DOK6: variants seen among roughly 807,000 people sequenced by gnomAD.
The protein encoded by DOK6 is downstream of tyrosine kinase 6.
In DOK6, 22 loss-of-function variants were observed where a neutral mutation model predicts 44.0. That is an observed-to-expected ratio of 0.50 (90% CI 0.36 to 0.71). The LOEUF is 0.71. DOK6 is among the 30% of genes least tolerant of loss of function. The pLI, the probability that DOK6 is intolerant of heterozygous loss-of-function variation, is 0.00. For synonymous variants in DOK6, 166 were observed against 145.5 expected (o/e 1.14, Z -1.01); for missense variants, 340 against 416.4 (o/e 0.82, Z 1.60).
Position 69,739,082 on chromosome 18 carries a change from A to G in DOK6, c.717A>G (p.Leu239=), listed in dbSNP as rs1182606390. ...CTGAGCAACATGAAAGATTAATGCT[A>G]GAAATGGAACAGAAGGCCCGGGTAA... is the stretch of plus-strand genomic sequence containing the variant. ...AIAEQHERLM[L]EMEQKARLQT... Residue 239 remains leucine, a synonymous_variant, in exon 6 of 8, where the codon CTA becomes CTG. Coordinates refer to ENST00000382713, the MANE Select transcript of DOK6 (RefSeq NM_152721.6). 2 of 1,614,064 alleles carry G rather than the reference A, an allele frequency of 1.2e-6. No homozygotes were observed. Among genetic ancestry groups the G allele is most frequent in the African/African-American group, 2.7e-5 (2 of 75,056 alleles).
intron 4 of DOK6, among the ~76,000 whole-genome samples, chr18:69,685,123 A>G (rs1159250398): frequency 6.6e-6 from 1 of 152,204 alleles, no homozygotes; most frequent in Non-Finnish European, 1.5e-5. Flanking sequence ...CATTTGACAG[A>G]AAATTAACGC....
chr18:69,631,914 A>T (rs1442284987), intron 3 of DOK6, among the ~76,000 whole-genome samples: 1 of 152,194 alleles, frequency 6.6e-6, no homozygotes, highest in Admixed American at 6.5e-5. Flanking sequence ...CATAAGTCAC[A>T]TTGACTCTAT....
At chr18:69,703,916 A>G (rs554203273) in intron 5 of DOK6, among the ~76,000 whole-genome samples, 15 of 152,280 alleles carry the variant, frequency 9.9e-5, no homozygotes, top group African/African-American at 3.1e-4. Flanking sequence ...GATTGATAGG[A>G]TCGGTGGCTT....
At chr18:69,719,077 A>G (rs1445786702) in intron 5 of DOK6, among the ~76,000 whole-genome samples, 2 of 152,216 alleles carry the variant, frequency 1.3e-5, no homozygotes, top group African/African-American at 4.8e-5. Flanking sequence ...TGGCACAGAA[A>G]TGCCAATACA....
intron 1 of DOK6, among the ~76,000 whole-genome samples, chr18:69,495,608 A>G (rs1270205548): frequency 6.6e-6 from 1 of 152,150 alleles, no homozygotes; most frequent in Non-Finnish European, 1.5e-5. Flanking sequence ...AAAAGGCACC[A>G]CAAGTTCCCA....
At chr18:69,641,682 A>G (rs1334698790) in intron 3 of DOK6, among the ~76,000 whole-genome samples, 1 of 152,194 alleles carries the variant, frequency 6.6e-6, no homozygotes, top group Non-Finnish European at 1.5e-5. Flanking sequence ...CTGCCTCAAA[A>G]TTACTATTAT....
chr18:69,433,873 C>A (rs536846407), intron 1 of DOK6, among the ~76,000 whole-genome samples: 6 of 152,180 alleles, frequency 3.9e-5, no homozygotes, highest in African/African-American at 1.4e-4. Flanking sequence ...ACATACATTC[C>A]TATGTACTTT....
At chr18:69,544,279 A>T (rs1982344336) in intron 1 of DOK6, among the ~76,000 whole-genome samples, 1 of 151,436 alleles carries the variant, frequency 6.6e-6, no homozygotes, top group Non-Finnish European at 1.5e-5. Flanking sequence ...ACAAAACAAA[A>T]AAACTTGTCC....
intron 1 of DOK6, among the ~76,000 whole-genome samples, chr18:69,507,505 G>C (rs1981229522): frequency 6.6e-6 from 1 of 152,028 alleles, no homozygotes; most frequent in East Asian, 1.9e-4. Flanking sequence ...TACTGCTGCT[G>C]AGTCTTCTAA....
At chr18:69,556,881 C>G (rs1311739417) in intron 1 of DOK6, among the ~76,000 whole-genome samples, 1 of 152,206 alleles carries the variant, frequency 6.6e-6, no homozygotes, top group Non-Finnish European at 1.5e-5. Context: ...CTTTTTTACA[C>G]AAACCAAGTG....
intron 1 of DOK6, among the ~76,000 whole-genome samples, chr18:69,553,411 C>CA (rs1982613374): frequency 6.6e-6 from 1 of 152,172 alleles, no homozygotes; most frequent in Admixed American, 6.5e-5. Context: ...TCTGGTACAA[C>CA]ACAGTTTAGA....
At chr18:69,580,841 A>G (rs1024503874) in intron 2 of DOK6, among the ~76,000 whole-genome samples, 2 of 151,800 alleles carry the variant, frequency 1.3e-5, no homozygotes, top group African/African-American at 4.8e-5. Context: ...CATCCCCTCA[A>G]CCCTTCCCAG....
chr18:69,693,560 A>G (rs1986317016), intron 4 of DOK6, among the ~76,000 whole-genome samples: 1 of 152,142 alleles, frequency 6.6e-6, no homozygotes, highest in South Asian at 2.1e-4. Context: ...TCCATTAAAC[A>G]TAGTTTTCCA....
In DOK6 at chr18:69,845,022, T is replaced by C. The variant is rs1461221909; in HGVS notation, c.*3639T>C. ...AGTTTATTGCATGTCGTATCTTTAT[T>C]GTAGATATTAAAAACACATGATAAA... On this transcript the variant is annotated 3_prime_UTR_variant, in exon 8 of 8. Coordinates refer to ENST00000382713, the MANE Select transcript of DOK6 (RefSeq NM_152721.6). The C allele has an allele frequency of 6.6e-6, 1 of 152,176 alleles. No homozygotes were observed. The highest frequency in any genetic ancestry group is 2.4e-5 in the African/African-American group (1 of 41,438). 9.4% of individuals were successfully genotyped at this position (152,176 alleles called of 1,614,324 possible). A position where few individuals can be genotyped will look rare whatever the true frequency, so the allele number is the denominator to read the frequency against.
chr18:69,780,631 C>A (rs1980236016), intron 7 of DOK6, among the ~76,000 whole-genome samples: 1 of 152,132 alleles, frequency 6.6e-6, no homozygotes, highest in Non-Finnish European at 1.5e-5. Flanking sequence ...AAACATTGAA[C>A]ATTATGTTTC....
At chr18:69,656,528 T>C in intron 3 of DOK6, among the ~76,000 whole-genome samples, 1 of 152,316 alleles carries the variant, frequency 6.6e-6, no homozygotes, top group East Asian at 1.9e-4. Context: ...AGCACTTATA[T>C]CATAGGTTTG....
chr18:69,702,289 A>G (rs1205732071), intron 5 of DOK6, among the ~76,000 whole-genome samples: 1 of 152,132 alleles, frequency 6.6e-6, no homozygotes, highest in African/African-American at 2.4e-5. Flanking sequence ...TGTTGGTGCA[A>G]AGTTTATCTA....
chr18:69,784,568 T>A (rs1001071850), intron 7 of DOK6, among the ~76,000 whole-genome samples: 5 of 152,024 alleles, frequency 3.3e-5, no homozygotes, highest in Non-Finnish European at 7.4e-5. Flanking sequence ...CTTTAAAAAT[T>A]GCATAAGATT....
intron 1 of DOK6, among the ~76,000 whole-genome samples, chr18:69,467,847 T>A (rs922568455): frequency 2.0e-5 from 3 of 152,096 alleles, no homozygotes; most frequent in Non-Finnish European, 2.9e-5. Flanking sequence ...TTATTATTAT[T>A]GTTGTGATAT....
Sources: gnomAD v4.1 joint callset for allele counts (sites outside exome capture counted in the v4.1 genomes callset) on GRCh38, gnomAD v4.1.1 for gene constraint, MANE v1.5 for transcripts, NCBI Gene and HGNC (gene_info 2026-07-23, HGNC 2026-07-21) for gene names.